Variants in GALNT14 observed in about 807,000 individuals in gnomAD.
GALNT14 encodes polypeptide N-acetylgalactosaminyltransferase 14.
Under a neutral mutation model 77.5 loss-of-function variants are expected in GALNT14, and 60 were observed. That is an observed-to-expected ratio of 0.77 (90% CI 0.63 to 0.96). The LOEUF is 0.96. GALNT14 is among the 40% of genes least tolerant of loss of function. The pLI is 0.00. For synonymous variants in GALNT14, 280 were observed against 281.7 expected (o/e 0.99, Z 0.06); for missense variants, 710 against 731.0 (o/e 0.97, Z 0.33).
At chr2:30,989,582 A>AT (rs1553351577) in intron 2 of GALNT14, among the ~76,000 whole-genome samples, 15,770 of 112,666 alleles carry the variant, frequency 0.14, 2,396 homozygotes, top group African/African-American at 0.37. Context: ...ATATATATAT[A>AT]AAAATATATA....
At chr2:30,918,171 C>A (rs1305715240) in intron 13 of GALNT14, among the ~76,000 whole-genome samples, 1 of 152,188 alleles carries the variant, frequency 6.6e-6, no homozygotes, top group African/African-American at 2.4e-5. Flanking sequence ...TTATTTCCAG[C>A]CCATTCTGTC....
intron 1 of GALNT14, among the ~76,000 whole-genome samples, chr2:31,090,090 G>C (rs1048137497): frequency 6.6e-6 from 1 of 152,122 alleles, no homozygotes; most frequent in African/African-American, 2.4e-5. Context: ...CAAGGGCTCC[G>C]ATCCACCCTC....
intron 1 of GALNT14, among the ~76,000 whole-genome samples, chr2:31,090,276 T>C (rs971551883): frequency 1.3e-5 from 2 of 152,156 alleles, no homozygotes; most frequent in Non-Finnish European, 1.5e-5. Context: ...GCTCTGACGA[T>C]AACACTAGGT....
In GALNT14 at chr2:31,097,884, A is replaced by G. The variant is rs183483063; in HGVS notation, c.129+40074T>C. 1.0e-3 allele frequency among the ~76,000 whole-genome samples: 156 copies of G among 152,298 alleles called. 3 individuals are homozygous for G. In the South Asian group the frequency reaches 0.016, roughly 16 times the overall value. ...GAACCTCAGCTTCTAGTTCAAGCTCAGCACTAACTAGCTGAGTACCTTCTA... is the reference window on the plus strand; with the variant it reads ...GAACCTCAGCTTCTAGTTCAAGCTCGGCACTAACTAGCTGAGTACCTTCTA... On this transcript the variant is annotated intron_variant, in intron 1 of 14. Coordinates refer to ENST00000349752, the MANE Select transcript of GALNT14 (RefSeq NM_024572.4).
chr2:30,900,366 T>C, the GALNT14 span, among the ~76,000 whole-genome samples: 1 of 152,238 alleles, frequency 6.6e-6, no homozygotes, highest in African/African-American at 2.4e-5. Context: ...GATCCCTAAA[T>C]CTATGTGTAT....
chr2:31,118,224 G>C (rs1678212106), intron 1 of GALNT14, among the ~76,000 whole-genome samples: 1 of 151,994 alleles, frequency 6.6e-6, no homozygotes, highest in South Asian at 2.1e-4. Flanking sequence ...GAATAAATCG[G>C]CGAAAGTTAT....
chr2:30,984,945 G>A (rs1669203901), intron 2 of GALNT14, among the ~76,000 whole-genome samples: 1 of 149,878 alleles, frequency 6.7e-6, no homozygotes, highest in Non-Finnish European at 1.5e-5. Flanking sequence ...CAGGAAATTC[G>A]TGTATTAATT....
At chr2:31,134,227 C>G (rs375592980) in intron 1 of GALNT14, among the ~76,000 whole-genome samples, 6 of 152,242 alleles carry the variant, frequency 3.9e-5, no homozygotes, top group Non-Finnish European at 8.8e-5. Context: ...ATACAGCTCT[C>G]TCCAATCTCT....
intron 1 of GALNT14, among the ~76,000 whole-genome samples, chr2:31,111,977 A>C (rs959881247): frequency 1.3e-5 from 2 of 148,898 alleles, no homozygotes; most frequent in South Asian, 4.2e-4. Context: ...GCCTTCTCCC[A>C]CTAAAACTGT....
In GALNT14 at chr2:30,952,622, A is replaced by AG. The variant is rs1228659606; in HGVS notation, c.654+2995dup. Among the ~76,000 whole-genome samples the AG allele has an allele frequency of 6.9e-3, 516 of 74,884 alleles. 8 individuals carry two copies. The highest frequency in any genetic ancestry group is 0.026 in the African/African-American group (468 of 18,316). 49.1% of individuals were successfully genotyped at this position (74,884 alleles called of 152,430 possible). ...CTGGGGACTGTGGTGGGGTGGGGGG[A>AG]GGGGGGAGGGATAGCATCGGGAGAT... On this transcript the variant is annotated intron_variant, in intron 6 of 14. Transcript: ENST00000349752.
intron 10 of GALNT14, among the ~76,000 whole-genome samples, chr2:30,930,457 C>G (rs767533116): frequency 6.6e-6 from 1 of 152,224 alleles, no homozygotes. Flanking sequence ...TCTGCCCTGA[C>G]TCTGACCCCA....
chr2:31,101,530 G>T (rs1677275723), intron 1 of GALNT14, among the ~76,000 whole-genome samples: 1 of 151,420 alleles, frequency 6.6e-6, no homozygotes, highest in Non-Finnish European at 1.5e-5. Context: ...TCCTTTCTGG[G>T]CCCATTTGGG....
chr2:31,092,616 A>C lies in GALNT14; in HGVS notation c.129+45342T>G, dbSNP rs544245710. On this transcript the variant is annotated intron_variant, in intron 1 of 14. Transcript: ENST00000349752. Reference sequence around the variant, plus strand: ...ACACCTGTCATGAAGAAAGGAGATAAGGCTCCCTCTCCATGGCTTCAAAAA... The same window carrying C: ...ACACCTGTCATGAAGAAAGGAGATACGGCTCCCTCTCCATGGCTTCAAAAA... Among the ~76,000 whole-genome samples, 110 of 152,272 alleles carry C rather than the reference A, an allele frequency of 7.2e-4. 1 individual carries two copies. Among genetic ancestry groups the C allele is most frequent in the African/African-American group, 2.6e-3 (107 of 41,546 alleles).
rs1010260912 is a variant in GALNT14 at position 30,966,206 on chromosome 2, G to A, written c.396C>T (p.Arg132=). ...ACAGACAAGCAAGGATGCCTCACCT[G>A]CGGATGGTCCTGAGCAGCGTGGAGC... is the stretch of plus-strand genomic sequence containing the variant. ...EARSTLLRTI[R]SVLNRTPTHL... Residue 132 remains arginine (R), a splice_region_variant and synonymous_variant, in exon 3 of 15, where the codon CGC becomes CGT. Transcript: ENST00000349752. 3 of 1,613,512 alleles carry A rather than the reference G, an allele frequency of 1.9e-6. No homozygotes were observed. Among genetic ancestry groups the A allele is most frequent in the African/African-American group, 2.7e-5 (2 of 74,912 alleles).
intron 2 of GALNT14, among the ~76,000 whole-genome samples, chr2:30,991,749 T>C (rs187077837): frequency 2.2e-4 from 33 of 152,344 alleles, no homozygotes; most frequent in African/African-American, 7.9e-4. Flanking sequence ...CTCCAAAGCA[T>C]ACATGCTGTT....
chr2:31,044,802 C>T (rs921336248), intron 1 of GALNT14, among the ~76,000 whole-genome samples: 3 of 151,980 alleles, frequency 2.0e-5, no homozygotes, highest in African/African-American at 7.3e-5. Flanking sequence ...GTAGTCCCAA[C>T]TACTCAGGAG....
intron 1 of GALNT14, among the ~76,000 whole-genome samples, chr2:31,018,991 TG>T (rs1671553066): frequency 6.6e-6 from 1 of 152,126 alleles, no homozygotes; most frequent in Admixed American, 6.5e-5. Context: ...GGGCCGGTGA[TG>T]GGGACTCAGT....
Position 31,100,896 on chromosome 2 carries a change from A to C in GALNT14, c.129+37062T>G, listed in dbSNP as rs970008477. 8.5e-5 allele frequency among the ~76,000 whole-genome samples: 13 copies of C among 152,108 alleles called. 1 individual carries two copies. Among genetic ancestry groups the C allele is most frequent in the Admixed American group, 6.6e-4 (10 of 15,246 alleles). ...TTACATTAGCGTATGATTAGGCAAA[A>C]TCATCTAACACAAACCCTATTTTAT... is the stretch of plus-strand genomic sequence containing the variant. On this transcript the variant is annotated intron_variant, in intron 1 of 14. Coordinates refer to ENST00000349752, the MANE Select transcript of GALNT14 (RefSeq NM_024572.4).
chr2:31,072,178 C>T (rs7592634), intron 1 of GALNT14, among the ~76,000 whole-genome samples: 80,574 of 151,330 alleles, frequency 0.53, 22,186 homozygotes, highest in African/African-American at 0.67. Context: ...AGGTGGAGGG[C>T]GAGGGCAGAA....
Sources: allele counts gnomAD v4.1 joint callset (sites outside exome capture counted in the v4.1 genomes callset), GRCh38; gene constraint gnomAD v4.1.1; transcripts MANE v1.5; gene names NCBI Gene and HGNC (gene_info 2026-07-23, HGNC 2026-07-21).